Variants in RSPH14 observed in about 807,000 individuals in gnomAD.
RSPH14 encodes radial spoke head 14 homolog.
A neutral mutation model predicts 26.7 loss-of-function variants in RSPH14; 20 were observed. The observed-to-expected ratio is 0.75, with a 90% CI of 0.53 to 1.09. The LOEUF (loss-of-function observed/expected upper bound fraction) is 1.09, where lower values mean the gene tolerates loss of function less well. Among genes scored for constraint, RSPH14 ranks in the 50% least tolerant of loss-of-function variants. The pLI is 0.00. For synonymous variants in RSPH14, 177 were observed against 189.3 expected (o/e 0.93, Z 0.53); for missense variants, 449 against 457.2 (o/e 0.98, Z 0.16).
intron 3 of RSPH14, among the ~76,000 whole-genome samples, chr22:23,138,039 G>A (rs1182597311): frequency 6.6e-6 from 1 of 152,088 alleles, no homozygotes; most frequent in African/African-American, 2.4e-5. Flanking sequence ...CACAGGAAAA[G>A]GACACTTCCA....
chr22:23,149,093 AG>A (rs1243731373), upstream of RSPH14, among the ~76,000 whole-genome samples: 1 of 152,028 alleles, frequency 6.6e-6, no homozygotes, highest in Non-Finnish European at 1.5e-5. Context: ...CAGATGGGCC[AG>A]GCAGAGCCCG....
intron 4 of RSPH14, among the ~76,000 whole-genome samples, chr22:23,105,138 G>C (rs2069425802): frequency 6.6e-6 from 1 of 152,202 alleles, no homozygotes; most frequent in Non-Finnish European, 1.5e-5. Flanking sequence ...TGTATCCTAA[G>C]GTTCCCAGCC....
Position 23,069,325 on chromosome 22 carries a change from T to C in RSPH14, c.422-5192A>G, listed in dbSNP as rs530212481. Among the ~76,000 whole-genome samples, 6 of 152,314 alleles carry C rather than the reference T, an allele frequency of 3.9e-5. 1 individual carries two copies. In the South Asian group the frequency reaches 1.2e-3, roughly 32 times the overall value. Reference sequence around the variant, plus strand: ...GTTAGCTGGGAAGGCATTTGCACTTTGTCAGGGATGCTCTAGGATACACAA... The same window carrying C: ...GTTAGCTGGGAAGGCATTTGCACTTCGTCAGGGATGCTCTAGGATACACAA... On this transcript the variant is annotated intron_variant, in intron 4 of 6. Coordinates refer to ENST00000216036, the MANE Select transcript of RSPH14 (RefSeq NM_014433.3).
the RSPH14 span, chr22:23,162,367 TAAC>T: frequency 5.1e-3 from 1,714 of 336,516 alleles, 31 homozygotes; most frequent in African/African-American, 0.034. Context: ...TGTCCTAGGG[TAAC>T]TCACTCTGCA....
At chr22:23,153,357 C>T in the RSPH14 span, among the ~76,000 whole-genome samples, 3 of 152,120 alleles carry the variant, frequency 2.0e-5, no homozygotes, top group Non-Finnish European at 4.4e-5. Flanking sequence ...GGAAGGTGCT[C>T]ACAGCCTGAC....
chr22:23,167,314 C>T, the RSPH14 span, among the ~76,000 whole-genome samples: 4 of 152,216 alleles, frequency 2.6e-5, no homozygotes, highest in African/African-American at 7.2e-5. Flanking sequence ...CCTTCACTGC[C>T]GCTCCCTGCA....
rs1288818353 is a variant in RSPH14 at position 23,071,258 on chromosome 22, A to G, written c.422-7125T>C. Among the ~76,000 whole-genome samples, 1 of 152,036 alleles carries G rather than the reference A, an allele frequency of 6.6e-6. No individual in the cohort carries two copies. The highest frequency in any genetic ancestry group is 1.5e-5 in the Non-Finnish European group (1 of 67,984). On this transcript the variant is annotated intron_variant, in intron 4 of 6. Transcript: ENST00000216036. The surrounding 1 kb of genome is among the most constrained non-coding windows in gnomAD (Gnocchi z 4.1). ...GAGGGCCTCAGGGCTGGCGCTCCGT[A>G]TCCTGCGGGCGATCCGAGGGGGCTC...
chr22:23,101,195 G>A (rs533565200), intron 4 of RSPH14, among the ~76,000 whole-genome samples: 34 of 152,282 alleles, frequency 2.2e-4, no homozygotes, highest in African/African-American at 7.7e-4. Context: ...CTAACCAGCC[G>A]GCTTTGCAGA....
the RSPH14 span, among the ~76,000 whole-genome samples, chr22:23,172,335 G>GAA: frequency 6.8e-6 from 1 of 146,070 alleles, no homozygotes; most frequent in South Asian, 2.2e-4. Context: ...AGAACTGCTT[G>GAA]AATCCGGGAG....
the RSPH14 span, chr22:23,152,341 C>A: frequency 9.8e-7 from 1 of 1,017,438 alleles, no homozygotes; most frequent in Non-Finnish European, 1.5e-6. Flanking sequence ...GGTGGCCCAT[C>A]CTGTGTCCAG....
chr22:23,080,772 T>C (rs544887291), intron 4 of RSPH14, among the ~76,000 whole-genome samples: 1 of 152,358 alleles, frequency 6.6e-6, no homozygotes, highest in Non-Finnish European at 1.5e-5. Flanking sequence ...CAAAAGCTAT[T>C]GTGATAAATG....
the RSPH14 span, chr22:23,160,787 C>A: frequency 6.5e-7 from 1 of 1,538,940 alleles, no homozygotes; most frequent in Non-Finnish European, 8.8e-7. Context: ...ACGTGCCAAC[C>A]TGAGGGTAGG....
At chr22:23,141,637 G>T (rs145040079) in intron 1 of RSPH14, among the ~76,000 whole-genome samples, 2 of 152,346 alleles carry the variant, frequency 1.3e-5, no homozygotes, top group East Asian at 3.9e-4. Flanking sequence ...GAATGGACAG[G>T]CCACAGGCCT....
intron 2 of RSPH14, among the ~76,000 whole-genome samples, 195 bp from the exon 3 acceptor site, chr22:23,139,137 C>G (rs1345653315): frequency 6.6e-6 from 1 of 152,206 alleles, no homozygotes; most frequent in Non-Finnish European, 1.5e-5. Context: ...TCTCATCCAA[C>G]CCTCCTTGTG....
At chr22:23,112,084 G>C (rs1228491797) in intron 4 of RSPH14, among the ~76,000 whole-genome samples, 1 of 152,170 alleles carries the variant, frequency 6.6e-6, no homozygotes, top group East Asian at 1.9e-4. Context: ...ATTCATGCAG[G>C]GACCAGGAGG....
intron 4 of RSPH14, among the ~76,000 whole-genome samples, chr22:23,125,309 C>T (rs1262810127): frequency 6.6e-6 from 1 of 152,162 alleles, no homozygotes; most frequent in East Asian, 1.9e-4. Flanking sequence ...CCCGCTGCCC[C>T]CAAGACCCCA....
At chr22:23,131,524 G>T in intron 4 of RSPH14, 1 of 902,736 alleles carries the variant, frequency 1.1e-6, no homozygotes. Flanking sequence ...AAGCTGGCTG[G>T]TGGTATCCAA....
At chr22:23,095,992 C>A (rs1310716515) in intron 4 of RSPH14, 1 of 1,609,692 alleles carries the variant, frequency 6.2e-7, no homozygotes, top group East Asian at 2.2e-5. Context: ...ACAACCCCGA[C>A]CGCGCCTACG....
In RSPH14 at chr22:23,138,327, C is replaced by T. The variant is rs149604723; in HGVS notation, c.302+513G>A. Among the ~76,000 whole-genome samples the T allele has an allele frequency of 3.6e-4, 55 of 152,216 alleles. No individual in the cohort carries two copies. The East Asian group carries it at 6.0e-3, about 17-fold the overall frequency. On this transcript the variant is annotated intron_variant, in intron 3 of 6. Transcript: ENST00000216036. Reference sequence around the variant, plus strand: ...CTGTAATCCCAGCATTTTAGGAGGCCGAGGCAGGCAGATCACTTGAGGCCA... The same window carrying T: ...CTGTAATCCCAGCATTTTAGGAGGCTGAGGCAGGCAGATCACTTGAGGCCA...
Sources: allele counts gnomAD v4.1 joint callset (sites outside exome capture counted in the v4.1 genomes callset), GRCh38; gene constraint gnomAD v4.1.1; non-coding constraint Gnocchi (gnomAD v3.1); transcripts MANE v1.5; gene names NCBI Gene and HGNC (gene_info 2026-07-23, HGNC 2026-07-21).